Variants in TTN observed in about 807,000 individuals in gnomAD.
TTN encodes connectin.
TTN carries 1,525 observed loss-of-function variants against 3,223.0 expected under a neutral mutation model. That is an observed-to-expected ratio of 0.47 (90% CI 0.45 to 0.49). The LOEUF is 0.49. TTN is among the 20% of genes least tolerant of loss of function. TTN has a pLI of 0.00. For missense variants in TTN, 40,786 were observed against 43,424.0 expected (o/e 0.94, Z 5.40); for synonymous variants, 14,094 against 15,161.0 (o/e 0.93, Z 5.17).
rs1232516805 is a variant in TTN at position 178,733,298 on chromosome 2, G to A, written c.15995C>T (p.Thr5332Ile). ...SAELHDSGQYTFEISNEVGSS... is the reference protein window; with the variant it reads ...SAELHDSGQYIFEISNEVGSS... Reference sequence around the variant, plus strand: ...GCCCACTTCATTGGAAATCTCAAATGTGTATTGGCCACTGTCGTGCAGCTC... The same window carrying A: ...GCCCACTTCATTGGAAATCTCAAATATGTATTGGCCACTGTCGTGCAGCTC... The change falls in exon 54 of 363, where the codon ACA becomes ATA. Residue 5332 changes from threonine to isoleucine, a missense_variant. Transcript: ENST00000589042. 3.7e-6 allele frequency: 6 copies of A among 1,613,430 alleles called. No individual in the cohort carries two copies. Among genetic ancestry groups the A allele is most frequent in the Non-Finnish European group, 5.1e-6 (6 of 1,179,524 alleles).
rs748617936 is a variant in TTN, at chr2:178,731,486, C to A, written c.17280G>T (p.Thr5760=). 6.2e-7 allele frequency: 1 copy of A among 1,613,594 alleles called. No individual in the cohort carries two copies. Among genetic ancestry groups the A allele is most frequent in the Non-Finnish European group, 8.5e-7 (1 of 1,179,722 alleles). Residue 5760 remains threonine (T), a synonymous_variant, in exon 59 of 363, where the codon ACG becomes ACT. Coordinates refer to ENST00000589042, the MANE Select transcript of TTN (RefSeq NM_001267550.2). ...QATLKGSLPI[T]VTWLKDSDEI... ...CATCGCTGTCTTTTAGCCAAGTCAC[C>A]GTAATTGGCAAGGAGCCCTTCAGAG...
chr2:178,705,067 T>A, intron 103 of TTN, 101 bp from the exon 104 acceptor site: 1 of 1,572,626 alleles, frequency 6.4e-7, no homozygotes, highest in Non-Finnish European at 8.7e-7. Flanking sequence ...GGTTAGGTCA[T>A]ATTAAATGAC....
At chr2:178,706,428 C>G (rs192453482) in intron 102 of TTN, 26 bp downstream of exon 102, 26 of 1,580,196 alleles carry the variant, frequency 1.6e-5, no homozygotes, top group Non-Finnish European at 2.2e-5. Flanking sequence ...GCTGATTGTA[C>G]GATTTGTGGT....
rs1464765995 is a variant in TTN at position 178,536,242 on chromosome 2, A to T, written c.100505T>A (p.Leu33502Gln). Residue 33502 changes from leucine to glutamine, a missense_variant, in exon 357 of 363, where the codon CTG (leucine) becomes CAG (glutamine). By Grantham distance (113) the Leu-to-Gln change is moderately radical. Transcript: ENST00000589042. Reference protein sequence around the residue: ...PIQAPHFKEELRNLNVRYQSN... With the variant: ...PIQAPHFKEEQRNLNVRYQSN... The stretch of plus-strand genomic sequence containing the variant: ...CTGATATCTGACATTTAGATTTCTC[A>T]GTTCCTCTTTAAAGTGTGGTGCCTG... 6.2e-7 allele frequency: 1 copy of T among 1,613,488 alleles called. No individual in the cohort carries two copies. The highest frequency in any genetic ancestry group is 2.2e-5 in the East Asian group (1 of 44,850).
At position 178,567,733 on chromosome 2, in the gene TTN, A is replaced by G. The variant is rs2154166484; in HGVS notation, c.78399T>C (p.Gly26133=). 1 of 1,612,528 alleles carries G rather than the reference A, an allele frequency of 6.2e-7. No homozygotes were observed. The change falls in exon 326 of 363, where the codon GGT becomes GGC. Residue 26133 remains glycine, a synonymous_variant. Transcript: ENST00000589042. ...TTGTAAAGCTAGCTTTCATCCAACGACCATCAGGCAAATCACGTTTCTCTA... is the reference window on the plus strand; with the variant it reads ...TTGTAAAGCTAGCTTTCATCCAACGGCCATCAGGCAAATCACGTTTCTCTA... ...YIVEKRDLPD[G]RWMKASFTNV... is the part of the protein sequence containing the mutation.
Position 178,741,783 on chromosome 2 carries a change from C to A in TTN, c.11450G>T (p.Gly3817Val), listed in dbSNP as rs371056587. The A allele has an allele frequency of 1.2e-6, 2 of 1,613,288 alleles. No individual in the cohort carries two copies. Among genetic ancestry groups the A allele is most frequent in the African/African-American group, 2.7e-5 (2 of 74,876 alleles). Residue 3817 changes from glycine (G) to valine (V), a missense_variant, in exon 48 of 363, where the codon GGC (glycine) becomes GTC (valine). Transcript: ENST00000589042. ...TTCTTTGATGAAAATTGGGCCAGTGCCTTCCTTTTCGGAATCAAATTTAGT... is the reference window on the plus strand; with the variant it reads ...TTCTTTGATGAAAATTGGGCCAGTGACTTCCTTTTCGGAATCAAATTTAGT... ...YPTKFDSEKE[G>V]TGPIFIKEVS... is the part of the protein sequence containing the mutation.
At position 178,650,795 on chromosome 2, in the gene TTN, G is replaced by C; in HGVS notation, c.39665C>G (p.Pro13222Arg). ...CGCTCTTTCTGGAACAGGAACAGCTGGTTTCTCTTCCAAGACAGGTTTCTT... is the reference window on the plus strand; with the variant it reads ...CGCTCTTTCTGGAACAGGAACAGCTCGTTTCTCTTCCAAGACAGGTTTCTT... ...VPKKPVLEEK[P>R]AVPVPERAES... Residue 13222 changes from proline (P) to arginine (R), a missense_variant, in exon 209 of 363, where the codon CCA (proline) becomes CGA (arginine). Transcript: ENST00000589042. 1 of 1,607,662 alleles carries C rather than the reference G, an allele frequency of 6.2e-7. No individual in the cohort carries two copies. Among genetic ancestry groups the C allele is most frequent in the Non-Finnish European group, 8.5e-7 (1 of 1,176,972 alleles).
In TTN at chr2:178,777,021, G is replaced by A. The variant is rs777977684; in HGVS notation, c.4843C>T (p.Leu1615Phe). ...TGGCTGACAGTGGAATCGATTTTAA[G>A]GGCAGCTTCTCCCTTGGTTCCTTCA... ...RIEGTKGEAA[L>F]KIDSTVSQDS... Residue 1615 changes from leucine to phenylalanine, a missense_variant, in exon 28 of 363, where the codon CTT (leucine) becomes TTT (phenylalanine). Physicochemically the swap from Leu to Phe is conservative, Grantham distance 22. Coordinates refer to ENST00000589042, the MANE Select transcript of TTN (RefSeq NM_001267550.2). 5.6e-6 allele frequency: 9 copies of A among 1,614,032 alleles called. No individual in the cohort carries two copies. Among genetic ancestry groups the A allele is most frequent in the African/African-American group, 1.3e-5 (1 of 75,044 alleles).
At chr2:178,627,538 C>CTAAG (rs1321874457) in intron 240 of TTN, among the ~76,000 whole-genome samples, 5 of 152,012 alleles carry the variant, frequency 3.3e-5, no homozygotes, top group Admixed American at 3.3e-4. Context: ...TCACAAAAGG[C>CTAAG]TAAGGTATTT....
At position 178,649,345 on chromosome 2, in the gene TTN, A is replaced by G; in HGVS notation, c.39974-14T>C. On this transcript the variant is annotated splice_polypyrimidine_tract_variant and intron_variant, in intron 212 of 362. Transcript: ENST00000589042. Reference sequence around the variant, plus strand: ...GCACCTCAGGCACTTTGAAGATATTAGTTTTGTTTTAAAAATAGTATTTAA... The same window carrying G: ...GCACCTCAGGCACTTTGAAGATATTGGTTTTGTTTTAAAAATAGTATTTAA... 1 of 1,424,222 alleles carries G rather than the reference A, an allele frequency of 7.0e-7. No individual in the cohort carries two copies. Among genetic ancestry groups the G allele is most frequent in the Non-Finnish European group, 9.2e-7 (1 of 1,090,890 alleles). The allele number at this position is 1,424,222 out of a possible 1,614,324, so 88.2% of individuals were successfully genotyped here. A position where few individuals can be genotyped will look rare whatever the true frequency, so the allele number is the denominator to read the frequency against.
chr2:178,557,544 G>T lies in TTN; in HGVS notation c.87718C>A (p.Pro29240Thr). The T allele has an allele frequency of 1.9e-6, 3 of 1,613,880 alleles. No individual in the cohort carries two copies. Among genetic ancestry groups the T allele is most frequent in the Non-Finnish European group, 2.5e-6 (3 of 1,179,846 alleles). The change falls in exon 329 of 363, where the codon CCA becomes ACA. Residue 29240 changes from proline to threonine, a missense_variant. By Grantham distance (38) the Pro-to-Thr change is conservative. Coordinates refer to ENST00000589042, the MANE Select transcript of TTN (RefSeq NM_001267550.2). Reference protein sequence around the residue: ...TVKLPYTTPGPPSTPWVTNVT... With the variant: ...TVKLPYTTPGTPSTPWVTNVT... Reference sequence around the variant, plus strand: ...TTAGTGACCCATGGTGTAGATGGTGGTCCAGGTGTTGCTACAAAAGAGAGA... The same window carrying T: ...TTAGTGACCCATGGTGTAGATGGTGTTCCAGGTGTTGCTACAAAAGAGAGA...
At position 178,773,330 on chromosome 2, in the gene TTN, G is replaced by C; in HGVS notation, c.7634C>G (p.Thr2545Arg). 1.2e-6 allele frequency: 2 copies of C among 1,613,924 alleles called. No homozygotes were observed. The highest frequency in any genetic ancestry group is 1.7e-6 in the Non-Finnish European group (2 of 1,179,966). Residue 2545 changes from threonine to arginine, a missense_variant, in exon 33 of 363, where the codon ACA becomes AGA. Coordinates refer to ENST00000589042, the MANE Select transcript of TTN (RefSeq NM_001267550.2). The part of the protein sequence containing the change: ...IIRGLRDLTC[T>R]ETQNVVFEVE... ...CTCAAACACCACATTTTGAGTTTCT[G>C]TACAGGTAAGGTCACGAAGACCTCT...
Position 178,588,806 on chromosome 2 carries a change from A to G in TTN, c.62919T>C (p.Thr20973=), listed in dbSNP as rs2154183353. 6.2e-7 allele frequency: 1 copy of G among 1,613,240 alleles called. No homozygotes were observed. The highest frequency in any genetic ancestry group is 2.2e-5 in the East Asian group (1 of 44,742). Residue 20973 remains threonine, a synonymous_variant, in exon 304 of 363, where the codon ACT becomes ACC. Transcript: ENST00000589042. The stretch of plus-strand genomic sequence containing the variant: ...CAGTCATCTCTTCTTTGCTTACTTT[A>G]GTGACTTCTGGGGGATCAGGGCGAC... The part of the protein sequence containing the change: ...KPGRPDPPEV[T]KVSKEEMTVV...
chr2:178,605,212 C>A lies in TTN; in HGVS notation c.53965G>T (p.Asp17989Tyr). 1 of 1,612,000 alleles carries A rather than the reference C, an allele frequency of 6.2e-7. No individual in the cohort carries two copies. Among genetic ancestry groups the A allele is most frequent in the Non-Finnish European group, 8.5e-7 (1 of 1,178,968 alleles). The change falls in exon 280 of 363, where the codon GAT becomes TAT. Residue 17989 changes from aspartate (D) to tyrosine (Y), a missense_variant. Coordinates refer to ENST00000589042, the MANE Select transcript of TTN (RefSeq NM_001267550.2). Reference protein sequence around the residue: ...KAGEPVHIPADVTGLPMPKIE... With the variant: ...KAGEPVHIPAYVTGLPMPKIE... ...TTAGGCATTGGAAGGCCTGTCACAT[C>A]TGCAGGGATGTGGACAGGCTCTCCT...
At position 178,741,390 on chromosome 2, in the gene TTN, C is replaced by A. The variant is rs775618077; in HGVS notation, c.11843G>T (p.Arg3948Leu). 3.7e-6 allele frequency: 6 copies of A among 1,613,802 alleles called. No homozygotes were observed. The highest frequency in any genetic ancestry group is 5.1e-6 in the Non-Finnish European group (6 of 1,179,814). The change falls in exon 48 of 363, where the codon CGC (arginine) becomes CTC (leucine). Residue 3948 changes from arginine to leucine, a missense_variant. Transcript: ENST00000589042. Reference protein sequence around the residue: ...PHFLKELKPIRCAQGLPAIFE... With the variant: ...PHFLKELKPILCAQGLPAIFE... ...GATGGCAGGAAGCCCTTGAGCACAG[C>A]GAATTGGTTTTAACTCCTTAAGGAA...
At position 178,696,137 on chromosome 2, in the gene TTN, A is replaced by G; in HGVS notation, c.30935T>C (p.Val10312Ala). The change falls in exon 114 of 363, where the codon GTC becomes GCC. Residue 10312 changes from valine to alanine, a missense_variant. By Grantham distance (64) the Val-to-Ala change is moderately conservative. Transcript: ENST00000589042. ...KKQAVHKEKRVFIESFEEPYD... is the reference protein window; with the variant it reads ...KKQAVHKEKRAFIESFEEPYD... ...AGGTTCTTCGAAAGATTCAATGAAG[A>G]CTCTCTTCTCCTTGTGGACTGCTTG... 1 of 1,551,128 alleles carries G rather than the reference A, an allele frequency of 6.4e-7. No individual in the cohort carries two copies. The highest frequency in any genetic ancestry group is 8.7e-7 in the Non-Finnish European group (1 of 1,146,774).
chr2:178,766,714 T>A, intron 40 of TTN, 102 bp from the exon 41 acceptor site: 1 of 856,104 alleles, frequency 1.2e-6, no homozygotes, highest in Admixed American at 2.0e-5. Context: ...ATGAATGGCA[T>A]GTGAAACCAA....
At chr2:178,617,640 C>A in intron 253 of TTN, 128 bp from the exon 254 acceptor site, 1 of 1,395,342 alleles carries the variant, frequency 7.2e-7, no homozygotes, top group South Asian at 1.4e-5. Flanking sequence ...TAGGCACAGT[C>A]TGGGTTTCTA....
At position 178,784,115 on chromosome 2, in the gene TTN, G is replaced by C; in HGVS notation, c.2730C>G (p.Thr910=). The change falls in exon 16 of 363, where the codon ACC becomes ACG. Residue 910 remains threonine, a synonymous_variant. Transcript: ENST00000589042. ...KEVGVSITGT[T]VREERFEVLH... The stretch of plus-strand genomic sequence containing the variant: ...GTACTTCAAAGCGCTCTTCACGGAC[G>C]GTGGTGCCAGTGATGCTCACCCCTA... 1 of 1,613,976 alleles carries C rather than the reference G, an allele frequency of 6.2e-7. No homozygotes were observed. The highest frequency in any genetic ancestry group is 1.3e-5 in the African/African-American group (1 of 74,994).
Sources: allele counts gnomAD v4.1 joint callset (sites outside exome capture counted in the v4.1 genomes callset), GRCh38; gene constraint gnomAD v4.1.1; transcripts MANE v1.5; gene names NCBI Gene and HGNC (gene_info 2026-07-23, HGNC 2026-07-21).